Variants in PRKCB observed in about 807,000 individuals in gnomAD.
PRKCB encodes protein kinase C beta.
In PRKCB, 13 loss-of-function variants were observed where a neutral mutation model predicts 81.5. The ratio of observed to expected loss-of-function variants is 0.16; its 90% CI spans 0.10 to 0.25. PRKCB has a LOEUF of 0.25. Among genes scored for constraint, PRKCB ranks in the 10% least tolerant of loss-of-function variants. The pLI, the probability that PRKCB is intolerant of heterozygous loss-of-function variation, is 1.00. For missense variants in PRKCB, 509 were observed against 875.7 expected (o/e 0.58, Z 5.29); for synonymous variants, 335 against 321.4 (o/e 1.04, Z -0.45).
chr16:23,883,969 A>G lies in PRKCB; in HGVS notation c.205+46563A>G, dbSNP rs374994988. 4.6e-5 allele frequency among the ~76,000 whole-genome samples: 7 copies of G among 152,210 alleles called. No individual in the cohort carries two copies. In the East Asian group the frequency reaches 1.3e-3, roughly 29 times the overall value. The stretch of plus-strand genomic sequence containing the variant: ...GTTTTCTTTAACTCAGCATATTCCA[A>G]ATATTCCCATATCAACATGTAATCA... On this transcript the variant is annotated intron_variant, in intron 2 of 16. Coordinates refer to ENST00000643927, the MANE Select transcript of PRKCB (RefSeq NM_002738.7).
chr16:24,190,989 T>C, intron 15 of PRKCB, 101 bp from the exon 16 acceptor site: 1 of 1,371,182 alleles, frequency 7.3e-7, no homozygotes, highest in Admixed American at 2.3e-5. Context: ...AGATTCTTCA[T>C]TTGCGCTTTC....
intron 5 of PRKCB, among the ~76,000 whole-genome samples, chr16:24,050,774 A>G (rs1342753892): frequency 6.6e-6 from 1 of 152,064 alleles, no homozygotes; most frequent in African/African-American, 2.4e-5. Flanking sequence ...AGACAACAAA[A>G]TTCTCTTTCT....
intron 9 of PRKCB, among the ~76,000 whole-genome samples, chr16:24,147,365 T>C (rs1349141121): frequency 6.6e-6 from 1 of 151,416 alleles, no homozygotes; most frequent in Non-Finnish European, 1.5e-5. Flanking sequence ...CCCAAGCCAC[T>C]TGATGGAAGC....
intron 2 of PRKCB, among the ~76,000 whole-genome samples, chr16:23,845,563 T>C (rs562576801): frequency 6.6e-6 from 1 of 152,278 alleles, no homozygotes; most frequent in East Asian, 1.9e-4. Flanking sequence ...AGAGGATTGC[T>C]TGAGGCCAGG....
At chr16:24,130,542 C>T (rs1966851841) in intron 9 of PRKCB, among the ~76,000 whole-genome samples, 2 of 152,154 alleles carry the variant, frequency 1.3e-5, no homozygotes, top group African/African-American at 4.8e-5. Context: ...GATTCATCTG[C>T]TGTAACAAAT....
At chr16:24,021,506 G>A (rs893230480) in intron 3 of PRKCB, among the ~76,000 whole-genome samples, 1 of 151,654 alleles carries the variant, frequency 6.6e-6, no homozygotes, top group South Asian at 2.1e-4. Flanking sequence ...CTGGTTTGGG[G>A]GTGGCAGGGA....
At chr16:23,838,481 A>G (rs1962208385) in intron 2 of PRKCB, among the ~76,000 whole-genome samples, 1 of 151,960 alleles carries the variant, frequency 6.6e-6, no homozygotes, top group South Asian at 2.1e-4. Context: ...TTAATTTTTC[A>G]CTCTTGGGCT....
intron 5 of PRKCB, among the ~76,000 whole-genome samples, chr16:24,047,905 C>T (rs1965788630): frequency 1.3e-5 from 2 of 152,270 alleles, no homozygotes; most frequent in South Asian, 2.1e-4. Context: ...AGGGAGGGAG[C>T]AGTGGGCTGG....
chr16:24,115,364 G>C (rs1206542987), intron 8 of PRKCB, among the ~76,000 whole-genome samples: 1 of 145,244 alleles, frequency 6.9e-6, no homozygotes, highest in Admixed American at 6.8e-5. Context: ...TTTATCCCAA[G>C]GATTTTAGCA....
intron 2 of PRKCB, among the ~76,000 whole-genome samples, chr16:23,943,489 A>G (rs1249568180): frequency 2.6e-5 from 4 of 152,156 alleles, no homozygotes; most frequent in African/African-American, 7.2e-5. Flanking sequence ...TGATTGTGCC[A>G]CTGCATTTCA....
intron 3 of PRKCB, among the ~76,000 whole-genome samples, chr16:23,996,960 G>A (rs1290142480): frequency 6.6e-6 from 1 of 152,202 alleles, no homozygotes; most frequent in East Asian, 1.9e-4. Context: ...TGGGAATCAA[G>A]GAAGTGGAAT....
chr16:24,039,584 G>A (rs1965673379), intron 5 of PRKCB, among the ~76,000 whole-genome samples: 1 of 152,332 alleles, frequency 6.6e-6, no homozygotes, highest in Middle Eastern at 3.4e-3. Flanking sequence ...GACAGCCTGA[G>A]CTGGCTGATA....
At chr16:23,969,128 C>T (rs1341051866) in intron 2 of PRKCB, among the ~76,000 whole-genome samples, 1 of 152,122 alleles carries the variant, frequency 6.6e-6, no homozygotes, top group African/African-American at 2.4e-5. Context: ...TGAGATCGCG[C>T]CACTGCACTC....
At chr16:24,108,486 A>G (rs1428802888) in intron 7 of PRKCB, among the ~76,000 whole-genome samples, 1 of 145,754 alleles carries the variant, frequency 6.9e-6, no homozygotes, top group African/African-American at 2.5e-5. Flanking sequence ...TTTCCTAGGC[A>G]GAGGACCCTG....
At chr16:23,928,420 G>A (rs569280117) in intron 2 of PRKCB, among the ~76,000 whole-genome samples, 3 of 152,116 alleles carry the variant, frequency 2.0e-5, no homozygotes, top group Non-Finnish European at 2.9e-5. Context: ...GAGCCACCGC[G>A]CCCGGCCCAC....
At chr16:23,878,648 C>T (rs1025448134) in intron 2 of PRKCB, among the ~76,000 whole-genome samples, 4 of 152,206 alleles carry the variant, frequency 2.6e-5, no homozygotes, top group African/African-American at 4.8e-5. Context: ...TTTTGCCACT[C>T]CGTACATGTC....
intron 2 of PRKCB, among the ~76,000 whole-genome samples, chr16:23,958,581 G>A (rs184357367): frequency 6.6e-6 from 1 of 152,148 alleles, no homozygotes; most frequent in Non-Finnish European, 1.5e-5. Flanking sequence ...GGGATTACAG[G>A]TGTGAGCCAC....
chr16:23,895,803 T>C (rs1251425710), intron 2 of PRKCB, among the ~76,000 whole-genome samples: 3 of 152,236 alleles, frequency 2.0e-5, no homozygotes, highest in Non-Finnish European at 4.4e-5. Context: ...GCCAGGCACA[T>C]GGAACACACA....
At chr16:24,098,296 G>A (rs991797528) in intron 7 of PRKCB, 8 of 152,218 alleles carry the variant, frequency 5.3e-5, no homozygotes, top group African/African-American at 1.7e-4. Flanking sequence ...AAAAGCAGCA[G>A]GATGAATGAA....
Sources: gnomAD v4.1 joint callset for allele counts (sites outside exome capture counted in the v4.1 genomes callset) on GRCh38, gnomAD v4.1.1 for gene constraint, MANE v1.5 for transcripts, NCBI Gene and HGNC (gene_info 2026-07-23, HGNC 2026-07-21) for gene names.